Variants in NLRP3 observed in about 807,000 individuals in gnomAD.
NLRP3 encodes the protein NACHT, LRR and PYD domains-containing protein 3.
NLRP3 carries 48 observed loss-of-function variants against 91.3 expected under a neutral mutation model. The ratio of observed to expected loss-of-function variants is 0.53; its 90% confidence interval spans 0.42 to 0.67. NLRP3 has a LOEUF of 0.67. Among genes scored for constraint, NLRP3 ranks in the 30% least tolerant of loss-of-function variants. The pLI, the probability that NLRP3 is intolerant of heterozygous loss-of-function variation, is 0.00. For synonymous variants in NLRP3, 561 were observed against 507.9 expected, an observed-to-expected ratio of 1.10 and a Z score of -1.41; for missense variants, 982 against 1,276.9, an observed-to-expected ratio of 0.77 and a Z score of 3.52.
chr1:247,443,298 T>C (rs1270886975), intron 7 of NLRP3, among the ~76,000 whole-genome samples: 1 of 152,040 alleles, frequency 6.6e-6, no homozygotes. Flanking sequence ...AGCGCAATCA[T>C]GGCTCACTGC....
chr1:247,424,456 A>G lies in NLRP3; in HGVS notation c.1007A>G (p.Lys336Arg), dbSNP rs1342526621. The change falls in exon 4 of 10, where the codon AAG becomes AGG. Residue 336 changes from lysine (K) to arginine (R), a missense_variant. This residue lies in a region of NLRP3 where 548 missense variants were observed against 713.7 expected (regional missense o/e 0.77). Coordinates refer to ENST00000336119, the MANE Select transcript of NLRP3 (RefSeq NM_001243133.2). This position sits in a 1 kb window ranked among gnomAD's most constrained non-coding sequence, Gnocchi z 8.1. Reference protein sequence around the residue: ...GDILLSSLIRKKLLPEASLLI... With the variant: ...GDILLSSLIRRKLLPEASLLI... The stretch of plus-strand genomic sequence containing the variant: ...ATTCTCCTGAGCAGCCTCATCAGAA[A>G]GAAGCTGCTTCCCGAGGCCTCTCTG... 4 of 1,614,104 alleles carry G rather than the reference A, an allele frequency of 2.5e-6. No homozygotes were observed. Among genetic ancestry groups the G allele is most frequent in the Non-Finnish European group, 3.4e-6 (4 of 1,180,048 alleles).
intron 2 of NLRP3, among the ~76,000 whole-genome samples, chr1:247,421,951 A>G (rs1317595439): frequency 6.6e-6 from 1 of 151,990 alleles, no homozygotes; most frequent in Non-Finnish European, 1.5e-5. Context: ...GTGAGCTATG[A>G]CCATGCCACT....
chr1:247,423,301 G>A lies in NLRP3; in HGVS notation c.349G>A (p.Gly117Ser). 3 of 1,613,376 alleles carry A rather than the reference G, an allele frequency of 1.9e-6. No individual in the cohort carries two copies. The highest frequency in any genetic ancestry group is 2.5e-6 in the Non-Finnish European group (3 of 1,179,660). The stretch of plus-strand genomic sequence containing the variant: ...AGACAGCATTGAAGAGGAGTGGATG[G>A]GTTTACTGGAGTACCTTTCGAGAAT... ...QEDSIEEEWM[G>S]LLEYLSRISI... The change falls in exon 3 of 10, where the codon GGT becomes AGT. Residue 117 changes from glycine (G) to serine (S), a missense_variant. Gly to Ser is a moderately conservative substitution (Grantham distance 56, BLOSUM62 0). Transcript: ENST00000336119.
intron 7 of NLRP3, among the ~76,000 whole-genome samples, chr1:247,438,711 T>G (rs1048467607): frequency 1.3e-5 from 2 of 152,228 alleles, no homozygotes; most frequent in Non-Finnish European, 2.9e-5. Context: ...TTGTTGTTAC[T>G]AAATATTTCT....
At position 247,443,955 on chromosome 1, in the gene NLRP3, TC is replaced by T; in HGVS notation, c.2664-14del. ...AACAGCTGGGTACTGAGGACTCTTCTCCCTGTCCTTCTACAGGTTGGTGAAT... is the reference window on the plus strand; with the variant it reads ...AACAGCTGGGTACTGAGGACTCTTCTCCTGTCCTTCTACAGGTTGGTGAAT... On this transcript the variant is annotated splice_polypyrimidine_tract_variant and intron_variant, in intron 7 of 9. Coordinates refer to ENST00000336119, the MANE Select transcript of NLRP3 (RefSeq NM_001243133.2). The T allele has an allele frequency of 1.2e-6, 2 of 1,613,612 alleles. No homozygotes were observed. The highest frequency in any genetic ancestry group is 1.7e-6 in the Non-Finnish European group (2 of 1,179,668).
In NLRP3 at chr1:247,424,867, A is replaced by T. The variant is rs1286037594; in HGVS notation, c.1418A>T (p.Asp473Val). The T allele has an allele frequency of 6.2e-7, 1 of 1,608,790 alleles. No individual in the cohort carries two copies. ...HLWGLCSLAA[D>V]GIWNQKILFE... The stretch of plus-strand genomic sequence containing the variant: ...TGGGGGCTCTGCTCTTTGGCTGCAG[A>T]TGGAATCTGGAACCAGAAAATCCTG... Residue 473 changes from aspartate to valine, a missense_variant, in exon 4 of 10, where the codon GAT (aspartate) becomes GTT (valine). Physicochemically the swap from Asp to Val is radical, Grantham distance 152 (BLOSUM62 -3). Transcript: ENST00000336119. This position sits in a 1 kb window ranked among gnomAD's most constrained non-coding sequence, Gnocchi z 8.1.
chr1:247,421,192 G>A (rs1247190873), intron 2 of NLRP3, among the ~76,000 whole-genome samples: 1 of 152,212 alleles, frequency 6.6e-6, no homozygotes, highest in Non-Finnish European at 1.5e-5. Flanking sequence ...GGTATTGCAG[G>A]ATGATGATGT....
intron 7 of NLRP3, among the ~76,000 whole-genome samples, chr1:247,439,020 C>CCATT (rs1367248682): frequency 4.0e-5 from 4 of 100,288 alleles, no homozygotes; most frequent in African/African-American, 1.6e-4. Flanking sequence ...ATCCGTCAAT[C>CCATT]CATCCATCCA....
At position 247,423,858 on chromosome 1, in the gene NLRP3, A is replaced by G; in HGVS notation, c.409A>G (p.Lys137Glu). The change falls in exon 4 of 10, where the codon AAG (lysine) becomes GAG (glutamate). Residue 137 changes from lysine (K) to glutamate (E), a missense_variant. By Grantham distance (56) the Lys-to-Glu change is moderately conservative. Around this residue, in one of 5 missense-constraint regions of NLRP3, gnomAD observed 548 missense variants for 713.7 expected, o/e 0.77. Coordinates refer to ENST00000336119, the MANE Select transcript of NLRP3 (RefSeq NM_001243133.2). ...ICKMKKDYRK[K>E]YRKYVRSRFQ... ...TGTCTTTGCCGTAGATTACCGTAAGAAGTACAGAAAGTACGTGAGAAGCAG... is the reference window on the plus strand; with the variant it reads ...TGTCTTTGCCGTAGATTACCGTAAGGAGTACAGAAAGTACGTGAGAAGCAG... The G allele has an allele frequency of 6.2e-7, 1 of 1,613,992 alleles. No individual in the cohort carries two copies. Among genetic ancestry groups the G allele is most frequent in the Admixed American group, 1.7e-5 (1 of 60,002 alleles).
At position 247,424,434 on chromosome 1, in the gene NLRP3, C is replaced by G. The variant is rs202077909; in HGVS notation, c.985C>G (p.Leu329Val). 5.0e-6 allele frequency: 8 copies of G among 1,614,216 alleles called. No homozygotes were observed. The highest frequency in any genetic ancestry group is 6.8e-6 in the Non-Finnish European group (8 of 1,180,046). ...DWQKAERGDI[L>V]LSSLIRKKLL... is the part of the protein sequence containing the mutation. The stretch of plus-strand genomic sequence containing the variant: ...GCAGAAGGCCGAGCGGGGAGACATT[C>G]TCCTGAGCAGCCTCATCAGAAAGAA... The change falls in exon 4 of 10, where the codon CTC (leucine) becomes GTC (valine). Residue 329 changes from leucine to valine, a missense_variant. Physicochemically the swap from Leu to Val is conservative, Grantham distance 32. Transcript: ENST00000336119. The surrounding 1 kb of genome is among the most constrained non-coding windows in gnomAD (Gnocchi z 8.1).
In NLRP3 at chr1:247,425,695, A is replaced by G. The variant is rs1201171405; in HGVS notation, c.2150+96A>G. On this transcript the variant is annotated intron_variant, in intron 4 of 9. Coordinates refer to ENST00000336119, the MANE Select transcript of NLRP3 (RefSeq NM_001243133.2). This position sits in a 1 kb window ranked among gnomAD's most constrained non-coding sequence, Gnocchi z 4.1. ...TCATCTCTTTTCAACTATCTTCCAA[A>G]TACTGTTGCCACAGCTACATCATAA... is the stretch of plus-strand genomic sequence containing the variant. 4 of 1,150,254 alleles carry G rather than the reference A, an allele frequency of 3.5e-6. No individual in the cohort carries two copies. In the Admixed American group the frequency reaches 5.5e-5, roughly 16 times the overall value. The allele number at this position is 1,150,254 out of a possible 1,614,324, so 71.3% of individuals were successfully genotyped here.
chr1:247,432,179 G>T (rs1026005626), intron 5 of NLRP3, among the ~76,000 whole-genome samples: 5 of 152,300 alleles, frequency 3.3e-5, no homozygotes, highest in African/African-American at 9.6e-5. Context: ...CACCGTGCCC[G>T]GCCTTAGTGT....
At chr1:247,441,197 C>CA (rs202100942) in intron 7 of NLRP3, among the ~76,000 whole-genome samples, 1 of 102,076 alleles carries the variant, frequency 9.8e-6, no homozygotes, top group East Asian at 3.6e-4. Context: ...TTCCCCTCCC[C>CA]CCCCCCTTTC....
At chr1:247,430,277 G>C (rs977278064) in intron 5 of NLRP3, among the ~76,000 whole-genome samples, 1 of 152,180 alleles carries the variant, frequency 6.6e-6, no homozygotes, top group South Asian at 2.1e-4. Flanking sequence ...TAAGATCAAG[G>C]TGTCAGCAGG....
At chr1:247,437,246 A>G (rs762852933) in intron 7 of NLRP3, among the ~76,000 whole-genome samples, 12 of 152,224 alleles carry the variant, frequency 7.9e-5, no homozygotes, top group Non-Finnish European at 1.5e-4. Flanking sequence ...TTCTGACAAT[A>G]ATATCTACAA....
chr1:247,436,396 G>A (rs1362950837), intron 7 of NLRP3, among the ~76,000 whole-genome samples: 1 of 152,208 alleles, frequency 6.6e-6, no homozygotes, highest in Admixed American at 6.5e-5. Flanking sequence ...CAGCCCAATT[G>A]CCTGTTGAGG....
intron 1 of NLRP3, among the ~76,000 whole-genome samples, chr1:247,417,009 G>C (rs1460230676): frequency 6.6e-6 from 1 of 152,168 alleles, no homozygotes; most frequent in Admixed American, 6.5e-5. Flanking sequence ...TCATCCATCC[G>C]GACTCTAGGA....
At chr1:247,446,600 T>C (rs1230168001) in intron 9 of NLRP3, among the ~76,000 whole-genome samples, 1 of 152,198 alleles carries the variant, frequency 6.6e-6, no homozygotes, top group African/African-American at 2.4e-5. Context: ...ACCTGCATTA[T>C]TCCCTGTACC....
At position 247,434,269 on chromosome 1, in the gene NLRP3, C is replaced by A. The variant is rs114158404; in HGVS notation, c.2488C>A (p.Leu830Ile). 266 of 1,614,178 alleles carry A rather than the reference C, an allele frequency of 1.6e-4. No homozygotes were observed. In the African/African-American group the frequency reaches 3.3e-3, roughly 20 times the overall value. ...GCACCTGTTGTGCAATCTGAAGAAGCTCTGGTGAGTCGAGCCCGTTCCCCT... is the reference window on the plus strand; with the variant it reads ...GCACCTGTTGTGCAATCTGAAGAAGATCTGGTGAGTCGAGCCCGTTCCCCT... ...LKHLLCNLKK[L>I]WLVSCCLTSA... The change falls in exon 6 of 10, where the codon CTC becomes ATC. Residue 830 changes from leucine to isoleucine, a missense_variant. By Grantham distance (5) the Leu-to-Ile change is conservative. Transcript: ENST00000336119.
Sources: allele counts gnomAD v4.1 joint callset (sites outside exome capture counted in the v4.1 genomes callset), GRCh38; gene constraint gnomAD v4.1.1; regional missense constraint gnomAD v4.1.1; non-coding constraint Gnocchi (gnomAD v3.1); transcripts MANE v1.5; gene names NCBI Gene and HGNC (gene_info 2026-07-23, HGNC 2026-07-21).